The following OPRM1 variants were observed in gnomAD, a reference collection of about 807,000 sequenced individuals.
OPRM1 encodes opioid receptor mu 1, also known as mu-type opioid receptor.
In OPRM1, 27 loss-of-function variants were observed where a neutral mutation model predicts 31.8. The ratio of observed to expected loss-of-function variants is 0.85; its 90% CI spans 0.63 to 1.17. The LOEUF is 1.17. Ranked by LOEUF, OPRM1 falls within the 50% of genes most tolerant of loss-of-function variation. The pLI, the probability that OPRM1 is intolerant of heterozygous loss-of-function variation, is 0.00. For synonymous variants in OPRM1, 196 were observed against 189.9 expected (o/e 1.03, Z -0.26); for missense variants, 536 against 511.1 (o/e 1.05, Z -0.47).
At chr6:154,243,719 G>A (rs766889846) in intron 3 of OPRM1, among the ~76,000 whole-genome samples, 1 of 152,140 alleles carries the variant, frequency 6.6e-6, no homozygotes, top group African/African-American at 2.4e-5. Flanking sequence ...AGAGGGAGTC[G>A]GATTGGCATG....
At chr6:154,160,050 T>C in intron 3 of OPRM1, 1 of 1,595,760 alleles carries the variant, frequency 6.3e-7, no homozygotes. Context: ...ACTGTGTGAG[T>C]AGAAAAAAAG....
In OPRM1 at chr6:154,119,719, A is replaced by G. The variant is rs774161952; in HGVS notation, c.*998A>G. Among the ~76,000 whole-genome samples the G allele has an allele frequency of 2.0e-5, 3 of 152,202 alleles. No individual in the cohort carries two copies. Among genetic ancestry groups the G allele is most frequent in the Non-Finnish European group, 4.4e-5 (3 of 68,020 alleles). On this transcript the variant is annotated 3_prime_UTR_variant, in exon 4 of 4. Coordinates refer to ENST00000330432, the MANE Select transcript of OPRM1 (RefSeq NM_000914.5). ...CCAGAACAGTTTAAACTTTTTTTAA[A>G]CAATAAATCCAATAAACATAATCTC...
intron 3 of OPRM1, among the ~76,000 whole-genome samples, chr6:154,101,813 TAA>T (rs1794873073): frequency 1.3e-5 from 2 of 152,178 alleles, no homozygotes; most frequent in South Asian, 2.1e-4. Context: ...TTTGTGTAAA[TAA>T]AAAGTCAGAT....
intron 1 of OPRM1, among the ~76,000 whole-genome samples, chr6:154,063,781 T>C (rs1784839428): frequency 6.6e-6 from 1 of 152,068 alleles, no homozygotes; most frequent in African/African-American, 2.4e-5. Context: ...GTTTATTTCA[T>C]TTGGCATAAT....
intron 1 of OPRM1, among the ~76,000 whole-genome samples, chr6:154,019,476 A>T (rs1306233568): frequency 6.6e-6 from 1 of 152,010 alleles, no homozygotes; most frequent in African/African-American, 2.4e-5. Context: ...ACAAACATAT[A>T]AAGACATGCA....
chr6:154,059,631 A>G (rs1259539286), intron 1 of OPRM1, among the ~76,000 whole-genome samples: 1 of 152,190 alleles, frequency 6.6e-6, no homozygotes, highest in African/African-American at 2.4e-5. Flanking sequence ...TTGAGGACAG[A>G]CTGTGTCTGG....
chr6:154,172,503 G>A (rs987541761), intron 3 of OPRM1, among the ~76,000 whole-genome samples: 7 of 152,202 alleles, frequency 4.6e-5, no homozygotes, highest in Admixed American at 2.6e-4. Context: ...TGCCTGGCTC[G>A]GTGGGTCCCA....
At chr6:154,183,432 A>C (rs1342519607) in intron 3 of OPRM1, among the ~76,000 whole-genome samples, 1 of 152,218 alleles carries the variant, frequency 6.6e-6, no homozygotes, top group East Asian at 1.9e-4. Flanking sequence ...TTGCCAAATT[A>C]ATCTAAACAT....
chr6:154,011,837 T>A (rs1777746757), intron 1 of OPRM1, among the ~76,000 whole-genome samples: 2 of 152,136 alleles, frequency 1.3e-5, no homozygotes, highest in Non-Finnish European at 2.9e-5. Flanking sequence ...CATCAATGTT[T>A]GCAGGGAACT....
chr6:154,159,542 T>A, intron 3 of OPRM1: 1 of 414,774 alleles, frequency 2.4e-6, no homozygotes, highest in Non-Finnish European at 4.3e-6. Flanking sequence ...GAGACATTTC[T>A]CACATCCCCC....
chr6:154,031,585 A>G lies in OPRM1; in HGVS notation c.1-7576A>G, dbSNP rs191526809. Among the ~76,000 whole-genome samples the G allele has an allele frequency of 2.0e-5, 3 of 152,116 alleles. No individual in the cohort carries two copies. In the East Asian group the frequency reaches 5.8e-4, roughly 29 times the overall value. ...CCCCATCTCTACTAAAAATACAAAA[A>G]AAAAAATTAGCTGGGCATAGTCGTG... On this transcript the variant is annotated intron_variant, in intron 1 of 5. Transcript: ENST00000434900.
upstream of OPRM1, among the ~76,000 whole-genome samples, chr6:154,035,320 A>AT (rs1459801195): frequency 6.6e-6 from 1 of 151,818 alleles, no homozygotes; most frequent in Non-Finnish European, 1.5e-5. Flanking sequence ...TTACTTATTT[A>AT]TTTTTTTACC....
chr6:154,134,366 T>C (rs1267939135), downstream of OPRM1, among the ~76,000 whole-genome samples: 1 of 152,154 alleles, frequency 6.6e-6, no homozygotes, highest in Non-Finnish European at 1.5e-5. Flanking sequence ...TGCATCGACA[T>C]TCAATCCAAG....
rs199671121 is a variant in OPRM1 at position 154,039,278 on chromosome 6, G to C, written c.-267G>C. 1.9e-6 allele frequency: 3 copies of C among 1,551,350 alleles called. No homozygotes were observed. The highest frequency in any genetic ancestry group is 2.6e-6 in the Non-Finnish European group (3 of 1,146,870). Reference sequence around the variant, plus strand: ...AGCCTCCGAATCCCGCATGGCCCACGCTCCCCTCCTGCAGCGGTGCGGGGC... The same window carrying C: ...AGCCTCCGAATCCCGCATGGCCCACCCTCCCCTCCTGCAGCGGTGCGGGGC... On this transcript the variant is annotated 5_prime_UTR_variant, in exon 1 of 4. Transcript: ENST00000330432.
intron 3 of OPRM1, chr6:154,093,277 C>T: frequency 6.2e-7 from 1 of 1,612,788 alleles, no homozygotes; most frequent in South Asian, 1.1e-5. Context: ...TAGTGCCTAC[C>T]TATACCTTCC....
At chr6:154,234,445 T>A (rs1394928599) in intron 3 of OPRM1, among the ~76,000 whole-genome samples, 2 of 152,146 alleles carry the variant, frequency 1.3e-5, no homozygotes, top group Admixed American at 6.5e-5. Flanking sequence ...ACCCAAATCC[T>A]CTTCTCAAGA....
chr6:154,202,633 C>T (rs1263265150), intron 3 of OPRM1, among the ~76,000 whole-genome samples: 1 of 152,186 alleles, frequency 6.6e-6, no homozygotes, highest in Non-Finnish European at 1.5e-5. Flanking sequence ...ATTTGAACAA[C>T]AGACCATGTA....
chr6:154,044,177 T>C (rs778455658), intron 1 of OPRM1, among the ~76,000 whole-genome samples: 2 of 152,142 alleles, frequency 1.3e-5, no homozygotes, highest in South Asian at 2.1e-4. Context: ...TCTCTGCTCC[T>C]AATACCCTCC....
chr6:154,162,490 A>G (rs1007543846), intron 3 of OPRM1, among the ~76,000 whole-genome samples: 2 of 152,194 alleles, frequency 1.3e-5, no homozygotes, highest in Non-Finnish European at 2.9e-5. Context: ...CCAATGATCC[A>G]TCTTCAACTT....
Sources: gnomAD v4.1 joint callset for allele counts (sites outside exome capture counted in the v4.1 genomes callset) on GRCh38, gnomAD v4.1.1 for gene constraint, MANE v1.5 for transcripts, NCBI Gene and HGNC (gene_info 2026-07-23, HGNC 2026-07-21) for gene names.